Variants in PDE10A observed in about 807,000 individuals in gnomAD.
The protein encoded by PDE10A is cAMP and cAMP-inhibited cGMP 3',5'-cyclic phosphodiesterase 10A.
A neutral mutation model predicts 97.7 loss-of-function variants in PDE10A; 39 were observed. The ratio of observed to expected loss-of-function variants is 0.40; its 90% CI spans 0.31 to 0.52. PDE10A has a LOEUF of 0.52. Ranked by LOEUF, PDE10A falls within the 20% of genes least tolerant of loss-of-function variation. The pLI, the probability that PDE10A is intolerant of heterozygous loss-of-function variation, is 0.56. For synonymous variants in PDE10A, 371 were observed against 376.8 expected (o/e 0.98, Z 0.18); for missense variants, 731 against 1,047.8 (o/e 0.70, Z 4.17).
intron 2 of PDE10A, among the ~76,000 whole-genome samples, chr6:165,498,284 C>T (rs946590767): frequency 4.0e-5 from 6 of 151,184 alleles, no homozygotes; most frequent in African/African-American, 1.5e-4. Context: ...GTGGCATGCA[C>T]CTATAGTCCT....
intron 8 of PDE10A, 63 bp downstream of exon 8, chr6:165,431,359 T>A (rs1789539661): frequency 9.7e-7 from 1 of 1,033,800 alleles, no homozygotes; most frequent in East Asian, 2.6e-5. Context: ...CGGTCTTCAA[T>A]GCCTCACTCC....
At chr6:165,363,605 C>T (rs185751562) in intron 18 of PDE10A, among the ~76,000 whole-genome samples, 18 of 151,848 alleles carry the variant, frequency 1.2e-4, no homozygotes, top group Non-Finnish European at 1.6e-4. Flanking sequence ...TATTTGAAGA[C>T]GACATGACCT....
chr6:165,911,426 C>T (rs920560186), intron 1 of PDE10A, among the ~76,000 whole-genome samples: 10 of 152,142 alleles, frequency 6.6e-5, no homozygotes, highest in Non-Finnish European at 1.5e-4. Flanking sequence ...CCATAGAATT[C>T]CCCCGAACAA....
intron 2 of PDE10A, among the ~76,000 whole-genome samples, chr6:165,499,664 TAA>T (rs1780751237): frequency 6.6e-6 from 1 of 152,238 alleles, no homozygotes; most frequent in Admixed American, 6.5e-5. Context: ...TATACTTTTA[TAA>T]AAGTCAATTT....
intron 1 of PDE10A, among the ~76,000 whole-genome samples, chr6:165,692,915 G>A (rs1200483800): frequency 6.6e-6 from 1 of 152,152 alleles, no homozygotes; most frequent in Non-Finnish European, 1.5e-5. Flanking sequence ...CGCAGTGTCT[G>A]TACGGCAGAG....
chr6:165,707,539 C>T (rs909685296), intron 1 of PDE10A, among the ~76,000 whole-genome samples: 2 of 152,168 alleles, frequency 1.3e-5, no homozygotes, highest in Admixed American at 6.5e-5. Flanking sequence ...TGTGTGAGGA[C>T]ATTTTCATTG....
chr6:165,553,250 T>A (rs1383483521), intron 1 of PDE10A, among the ~76,000 whole-genome samples: 1 of 152,112 alleles, frequency 6.6e-6, no homozygotes, highest in Admixed American at 6.6e-5. Flanking sequence ...GTCTTTTTTT[T>A]AAAGGCAAAG....
At chr6:165,981,569 A>G (rs1430700271) in intron 1 of PDE10A, among the ~76,000 whole-genome samples, 1 of 152,196 alleles carries the variant, frequency 6.6e-6, no homozygotes, top group Non-Finnish European at 1.5e-5. Context: ...CCTCTGTTCC[A>G]TTCTGCAGGC....
intron 1 of PDE10A, among the ~76,000 whole-genome samples, chr6:165,921,884 G>A (rs575276466): frequency 5.9e-5 from 9 of 152,170 alleles, no homozygotes; most frequent in Non-Finnish European, 1.0e-4. Flanking sequence ...GCTGAGGAGT[G>A]AAATCCAACT....
In PDE10A at chr6:165,447,042, C is replaced by A. The variant is rs77316744; in HGVS notation, c.1194+1886G>T. On this transcript the variant is annotated intron_variant, in intron 5 of 21. Coordinates refer to ENST00000539869, the MANE Select transcript of PDE10A (RefSeq NM_001385079.1). ...AGATAGAAAAGCGTTTTGCTGAATC[C>A]TAAGAGGAACTACTTCATTGAGGCC... Among the ~76,000 whole-genome samples the A allele has an allele frequency of 2.8e-4, 43 of 151,900 alleles. No homozygotes were observed. The East Asian group carries it at 7.7e-3, about 27-fold the overall frequency.
In PDE10A at chr6:165,587,167, G is replaced by A. The variant is rs374462961; in HGVS notation, c.866-43599C>T. Among the ~76,000 whole-genome samples the A allele has an allele frequency of 1.3e-4, 20 of 152,164 alleles. No homozygotes were observed. In the East Asian group the frequency reaches 2.1e-3, roughly 16 times the overall value. On this transcript the variant is annotated intron_variant, in intron 1 of 21. Coordinates refer to ENST00000539869, the MANE Select transcript of PDE10A (RefSeq NM_001385079.1). ...AGATTTTGTCCTGTTTGTTCTCATC[G>A]TATCACCTGCATGTGGAACAAAGAA...
chr6:165,741,227 T>G (rs940672163), intron 1 of PDE10A, among the ~76,000 whole-genome samples: 2 of 152,184 alleles, frequency 1.3e-5, no homozygotes, highest in African/African-American at 4.8e-5. Context: ...ACCAAAACAT[T>G]ATTTTGTACA....
chr6:165,958,579 AAGAC>A (rs1562327392), intron 1 of PDE10A, among the ~76,000 whole-genome samples: 517 of 34,508 alleles, frequency 0.015, 99 homozygotes, highest in East Asian at 0.031. Context: ...GACAGAAAGA[AAGAC>A]AGAAAGAGAG....
At chr6:165,365,292 G>C (rs948401876) in intron 18 of PDE10A, among the ~76,000 whole-genome samples, 1 of 152,164 alleles carries the variant, frequency 6.6e-6, no homozygotes, top group African/African-American at 2.4e-5. Flanking sequence ...CAAGGCAAAA[G>C]ATAATTTTGT....
chr6:165,714,844 G>A (rs1240134255), intron 1 of PDE10A, among the ~76,000 whole-genome samples: 2 of 152,254 alleles, frequency 1.3e-5, no homozygotes, highest in African/African-American at 2.4e-5. Context: ...AACCCACAGC[G>A]ACAGAAGAAC....
intron 1 of PDE10A, among the ~76,000 whole-genome samples, chr6:165,731,532 G>A (rs1792437413): frequency 6.6e-6 from 1 of 152,224 alleles, no homozygotes; most frequent in South Asian, 2.1e-4. Context: ...AGAATAGAAA[G>A]AGAAGAGTGA....
intron 3 of PDE10A, among the ~76,000 whole-genome samples, chr6:165,477,506 G>C (rs1363850245): frequency 6.6e-6 from 1 of 152,138 alleles, no homozygotes; most frequent in Non-Finnish European, 1.5e-5. Flanking sequence ...TAGATGAATT[G>C]GGACTCACCT....
chr6:165,491,194 A>G (rs559280521), intron 2 of PDE10A, among the ~76,000 whole-genome samples: 1 of 152,350 alleles, frequency 6.6e-6, no homozygotes, highest in Non-Finnish European at 1.5e-5. Flanking sequence ...AACTAGTCCA[A>G]CAGAAAAATA....
rs147330703 is a variant in PDE10A, at chr6:165,790,093, C to G, written c.-615+197436G>C. Among the ~76,000 whole-genome samples, 1,088 of 152,256 alleles carry G rather than the reference C, an allele frequency of 7.1e-3. 10 individuals carry two copies. The highest frequency in any genetic ancestry group is 0.025 in the African/African-American group (1,052 of 41,542). Reference sequence around the variant, plus strand: ...GGTCGCTATGTCAGTACTTTTATTACCACATTGTTAAAATGTAATTCTTGC... The same window carrying G: ...GGTCGCTATGTCAGTACTTTTATTAGCACATTGTTAAAATGTAATTCTTGC... On this transcript the variant is annotated intron_variant, in intron 1 of 19. Coordinates refer to the PDE10A transcript ENST00000366882.
Sources: gnomAD v4.1 joint callset for allele counts (sites outside exome capture counted in the v4.1 genomes callset) on GRCh38, gnomAD v4.1.1 for gene constraint, MANE v1.5 for transcripts, NCBI Gene and HGNC (gene_info 2026-07-23, HGNC 2026-07-21) for gene names.